LARGE1: variants seen among roughly 807,000 people sequenced by gnomAD.
LARGE1 encodes the protein xylosyl- and glucuronyltransferase LARGE1.
Under a neutral mutation model 87.6 loss-of-function variants are expected in LARGE1, and 43 were observed. That is an observed-to-expected ratio of 0.49 (90% CI 0.38 to 0.63). The LOEUF (loss-of-function observed/expected upper bound fraction) is 0.63, where lower values mean the gene tolerates loss of function less well. LARGE1 is among the 30% of genes least tolerant of loss of function. The probability of loss-of-function intolerance (pLI) is 0.00; values close to 1 mark genes in which losing one functional copy is unlikely to be tolerated. For missense variants in LARGE1, 802 were observed against 1,000.2 expected (o/e 0.80, Z 2.67); for synonymous variants, 434 against 394.6 (o/e 1.10, Z -1.18).
the LARGE1 span, among the ~76,000 whole-genome samples, chr22:33,157,077 G>T: frequency 6.6e-6 from 1 of 152,144 alleles, no homozygotes; most frequent in African/African-American, 2.4e-5. Context: ...TTTGCAAATT[G>T]CCCAGTCTCA....
chr22:33,817,935 G>A (rs1568955964), intron 1 of LARGE1, among the ~76,000 whole-genome samples: 1 of 145,904 alleles, frequency 6.9e-6, no homozygotes, highest in Admixed American at 7.0e-5. Flanking sequence ...GGAGGAAAGG[G>A]GGAGGAGAGG....
At chr22:33,157,272 T>C (rs1230676437), downstream of LARGE1, among the ~76,000 whole-genome samples, 1 of 152,214 alleles carries the variant, frequency 6.6e-6, no homozygotes, top group Non-Finnish European at 1.5e-5. Context: ...AGATTAACCT[T>C]CTGGTCCTTT....
downstream of LARGE1, among the ~76,000 whole-genome samples, chr22:33,159,826 A>G (rs372906984): frequency 2.2e-4 from 34 of 151,664 alleles, 1 homozygote; most frequent in African/African-American, 8.2e-4. Context: ...TGACCTTATG[A>G]TCCACCCGCC....
At chr22:33,774,389 C>T (rs568915309) in intron 1 of LARGE1, among the ~76,000 whole-genome samples, 1 of 152,088 alleles carries the variant, frequency 6.6e-6, no homozygotes, top group South Asian at 2.1e-4. Context: ...CGGAGTCTTG[C>T]TCTGTGGCCC....
intron 2 of LARGE1, among the ~76,000 whole-genome samples, chr22:33,708,332 C>T (rs1007731280): frequency 2.6e-5 from 4 of 152,080 alleles, no homozygotes; most frequent in Admixed American, 6.5e-5. Context: ...GGGGAAAAGA[C>T]GCTCTGGAAG....
the LARGE1 span, among the ~76,000 whole-genome samples, chr22:33,076,028 T>C: frequency 1.3e-5 from 2 of 152,208 alleles, no homozygotes; most frequent in East Asian, 3.8e-4. Flanking sequence ...AGAATTCTAA[T>C]GTATTCAACA....
intron 11 of LARGE1, among the ~76,000 whole-genome samples, chr22:33,263,918 T>C (rs998372099): frequency 1.3e-4 from 20 of 152,244 alleles, no homozygotes; most frequent in Admixed American, 3.9e-4. Flanking sequence ...TCAGTTCTGC[T>C]ACTTACTGTT....
chr22:33,386,629 T>C (rs945178214), intron 7 of LARGE1, among the ~76,000 whole-genome samples: 10 of 148,290 alleles, frequency 6.7e-5, no homozygotes, highest in Non-Finnish European at 1.2e-4. Flanking sequence ...GAATATGGAG[T>C]TGGGGAGGAA....
intron 11 of LARGE1, among the ~76,000 whole-genome samples, chr22:33,190,605 T>C (rs1923723709): frequency 1.3e-5 from 2 of 151,944 alleles, no homozygotes; most frequent in African/African-American, 4.8e-5. Flanking sequence ...TGGAACTGAG[T>C]ATTATAAAGG....
intron 2 of LARGE1, among the ~76,000 whole-genome samples, chr22:33,662,398 G>A (rs539776345): frequency 2.0e-5 from 3 of 152,200 alleles, no homozygotes; most frequent in South Asian, 4.2e-4. Flanking sequence ...CCATATTCTC[G>A]GGGCCCTCTG....
At chr22:33,531,143 T>C (rs970111046) in intron 6 of LARGE1, among the ~76,000 whole-genome samples, 5 of 152,166 alleles carry the variant, frequency 3.3e-5, no homozygotes, top group Admixed American at 3.3e-4. Flanking sequence ...ACCTACTCCA[T>C]GTGCAGCATT....
chr22:33,490,368 G>A (rs770189507), intron 6 of LARGE1, among the ~76,000 whole-genome samples: 43 of 152,068 alleles, frequency 2.8e-4, no homozygotes, highest in Non-Finnish European at 5.0e-4. Context: ...CACCTCATTC[G>A]TCTCTCACAA....
chr22:33,199,406 G>C (rs1443835697), intron 11 of LARGE1, among the ~76,000 whole-genome samples: 1 of 152,042 alleles, frequency 6.6e-6, no homozygotes, highest in African/African-American at 2.4e-5. Context: ...ATTTGCTTTT[G>C]AGAACTTAGT....
At chr22:33,421,440 A>C (rs769909114) in intron 7 of LARGE1, among the ~76,000 whole-genome samples, 3 of 152,154 alleles carry the variant, frequency 2.0e-5, no homozygotes, top group African/African-American at 7.2e-5. Context: ...TGGACCAAAG[A>C]CTGTTCAACT....
At chr22:33,201,091 T>G (rs1273496787) in intron 11 of LARGE1, among the ~76,000 whole-genome samples, 6 of 152,082 alleles carry the variant, frequency 3.9e-5, no homozygotes, top group Non-Finnish European at 8.8e-5. Flanking sequence ...GGGGGATCAC[T>G]TGAGGTCAGG....
the LARGE1 span, among the ~76,000 whole-genome samples, chr22:33,095,943 G>C: frequency 6.8e-3 from 1,034 of 152,234 alleles, 10 homozygotes; most frequent in African/African-American, 0.023. Flanking sequence ...TTTGGAGTAC[G>C]GGAGTCCAGC....
chr22:33,136,625 G>T, the LARGE1 span, among the ~76,000 whole-genome samples: 1 of 152,172 alleles, frequency 6.6e-6, no homozygotes, highest in Non-Finnish European at 1.5e-5. Flanking sequence ...CATTGCTTGG[G>T]ATGTTAAGGG....
intron 5 of LARGE1, among the ~76,000 whole-genome samples, chr22:33,566,429 AG>A (rs2078026873): frequency 6.6e-6 from 1 of 152,248 alleles, no homozygotes; most frequent in Non-Finnish European, 1.5e-5. Flanking sequence ...ATGCAAAGGA[AG>A]AAAAAAATAG....
intron 7 of LARGE1, among the ~76,000 whole-genome samples, chr22:33,412,383 G>C (rs1601749461): frequency 6.6e-6 from 1 of 152,072 alleles, no homozygotes; most frequent in Non-Finnish European, 1.5e-5. Flanking sequence ...TCCCCTGATG[G>C]TAGTGTTTTC....
Sources: allele counts gnomAD v4.1 joint callset (sites outside exome capture counted in the v4.1 genomes callset), GRCh38; gene constraint gnomAD v4.1.1; transcripts MANE v1.5; gene names NCBI Gene and HGNC (gene_info 2026-07-23, HGNC 2026-07-21).